SLC44A4: variants seen among roughly 807,000 people sequenced by gnomAD.
The protein encoded by SLC44A4 is solute carrier family 44 member 4.
In SLC44A4, 74 loss-of-function variants were observed where a neutral mutation model predicts 97.0. The ratio of observed to expected loss-of-function variants is 0.76; its 90% CI spans 0.63 to 0.93. The LOEUF (loss-of-function observed/expected upper bound fraction) is 0.93, where lower values mean the gene tolerates loss of function less well. Ranked by LOEUF, SLC44A4 falls within the 40% of genes least tolerant of loss-of-function variation. The probability of loss-of-function intolerance (pLI) is 0.00; values close to 1 mark genes in which losing one functional copy is unlikely to be tolerated. For synonymous variants in SLC44A4, 325 were observed against 363.8 expected (o/e 0.89, Z 1.21); for missense variants, 799 against 902.9 (o/e 0.88, Z 1.48).
rs1235387874 is a variant in SLC44A4, at chr6:31,865,680, C to G, written c.1582+10G>C. ...CCAGCTCCTGACTCCTACTCCGACT[C>G]CAGACTCACCTCTGAGCTTGTGGTC... On this transcript the variant is annotated intron_variant, in intron 15 of 20. Transcript: ENST00000229729. The surrounding 1 kb of genome is among the most constrained non-coding windows in gnomAD (Gnocchi z 5.2). 1 of 1,613,114 alleles carries G rather than the reference C, an allele frequency of 6.2e-7. No individual in the cohort carries two copies.
Position 31,866,095 on chromosome 6 carries a change from A to T in SLC44A4, c.1265T>A (p.Leu422Gln), listed in dbSNP as rs1207821886. ...TGAGTAGCCCTGGAAGACGCACATC[A>T]GCCCTGGGCACGAGGAGTTCACAAG... ...AHLVNSSCPGLMCVFQGYSSK... is the reference protein window; with the variant it reads ...AHLVNSSCPGQMCVFQGYSSK... Residue 422 changes from leucine to glutamine, a missense_variant, in exon 14 of 21, where the codon CTG becomes CAG. This residue lies in a region of SLC44A4 where 379 missense variants were observed against 438.3 expected (regional missense o/e 0.86). Coordinates refer to ENST00000229729, the MANE Select transcript of SLC44A4 (RefSeq NM_025257.3). 6.2e-7 allele frequency: 1 copy of T among 1,614,152 alleles called. No individual in the cohort carries two copies.
In SLC44A4 at chr6:31,870,887, C is replaced by T. The variant is rs763411450; in HGVS notation, c.862G>A (p.Ala288Thr). The T allele has an allele frequency of 4.0e-5, 65 of 1,612,918 alleles. No homozygotes were observed. Among genetic ancestry groups the T allele is most frequent in the Non-Finnish European group, 1.8e-5 (21 of 1,180,022 alleles). The change falls in exon 10 of 21, where the codon GCC becomes ACC. Residue 288 changes from alanine to threonine, a missense_variant. Ala to Thr is a moderately conservative substitution (Grantham distance 58, BLOSUM62 0). This residue lies in a region of SLC44A4 where 409 missense variants were observed against 434.1 expected (regional missense o/e 0.94). Transcript: ENST00000229729. ...GTGAAACCCAGCTGGGAGATGGAGG[C>T]GCCCTTGTCCCGCAGCACTCGGTAC... ...EEYRVLRDKG[A>T]SISQLGFTTN... is the part of the protein sequence containing the mutation.
intron 13 of SLC44A4, among the ~76,000 whole-genome samples, chr6:31,866,382 T>G (rs547553268): frequency 6.6e-6 from 1 of 152,322 alleles, no homozygotes; most frequent in Admixed American, 6.5e-5. Flanking sequence ...GCATTCCCAT[T>G]CCAGAGCAGC....
intron 20 of SLC44A4, 65 bp downstream of exon 20, chr6:31,864,579 CAAAAAAAA>C: frequency 1.6e-6 from 2 of 1,259,156 alleles, no homozygotes; most frequent in South Asian, 1.3e-5. Context: ...ACCAAATCTC[CAAAAAAAA>C]AAAAAAATGC....
At chr6:31,875,802 C>T in intron 4 of SLC44A4, 50 bp downstream of exon 4, 1 of 1,527,048 alleles carries the variant, frequency 6.5e-7, no homozygotes, top group Non-Finnish European at 8.9e-7. Context: ...GTCTCCTGCC[C>T]ACCCTACCTC....
chr6:31,865,674 C>T lies in SLC44A4; in HGVS notation c.1582+16G>A, dbSNP rs775815963. 1 of 1,612,966 alleles carries T rather than the reference C, an allele frequency of 6.2e-7. No homozygotes were observed. On this transcript the variant is annotated intron_variant, in intron 15 of 20. Coordinates refer to ENST00000229729, the MANE Select transcript of SLC44A4 (RefSeq NM_025257.3). The surrounding 1 kb of genome is among the most constrained non-coding windows in gnomAD (Gnocchi z 5.2). ...CCTTCCCCAGCTCCTGACTCCTACT[C>T]CGACTCCAGACTCACCTCTGAGCTT...
intron 13 of SLC44A4, among the ~76,000 whole-genome samples, chr6:31,868,750 T>G (rs189710282): frequency 6.6e-6 from 1 of 152,106 alleles, no homozygotes; most frequent in East Asian, 1.9e-4. Context: ...GAGCTGAGAT[T>G]GCACTGCTGC....
chr6:31,866,277 A>G (rs1294891210), intron 13 of SLC44A4, 151 bp from the exon 14 acceptor site: 8 of 1,035,194 alleles, frequency 7.7e-6, no homozygotes, highest in Non-Finnish European at 1.1e-5. Context: ...TCTGTCGGAG[A>G]GTTCCATCTC....
Position 31,874,339 on chromosome 6 carries a change from TAATTCCAATTTTGCCACC to T in SLC44A4, c.529+103_529+120del. On this transcript the variant is annotated intron_variant, in intron 7 of 20. Coordinates refer to ENST00000229729, the MANE Select transcript of SLC44A4 (RefSeq NM_025257.3). The surrounding 1 kb of genome is among the most constrained non-coding windows in gnomAD (Gnocchi z 4.8). ...AAAGAGCAAAATGAAGACCTGATGC[TAATTCCAATTTTGCCACC>T]AACAAGCTATGTGACTTCACTCTCT... 9.4e-7 allele frequency: 1 copy of T among 1,068,740 alleles called. No homozygotes were observed. The highest frequency in any genetic ancestry group is 2.5e-5 in the East Asian group (1 of 40,274). 66.2% of individuals were successfully genotyped at this position (1,068,740 alleles called of 1,614,324 possible). A position where few individuals can be genotyped will look rare whatever the true frequency, so the allele number is the denominator to read the frequency against.
At position 31,865,237 on chromosome 6, in the gene SLC44A4, G is replaced by GCA. The variant is rs1762783688; in HGVS notation, c.1760+76_1760+77dup. 1 of 1,569,492 alleles carries GCA rather than the reference G, an allele frequency of 6.4e-7. No homozygotes were observed. Among genetic ancestry groups the GCA allele is most frequent in the African/African-American group, 1.4e-5 (1 of 73,892 alleles). ...TAAACTAAGTCTAGGGCCCGACTGA[G>GCA]CACAGCACACCCACGAAGCCAGCCT... is the stretch of plus-strand genomic sequence containing the variant. On this transcript the variant is annotated intron_variant, in intron 17 of 20. Transcript: ENST00000229729. The surrounding 1 kb of genome is among the most constrained non-coding windows in gnomAD (Gnocchi z 5.2).
chr6:31,869,362 G>C (rs916725833), intron 12 of SLC44A4, 105 bp from the exon 13 acceptor site: 1 of 1,019,216 alleles, frequency 9.8e-7, no homozygotes, highest in African/African-American at 1.6e-5. Context: ...GCTGCACAGA[G>C]AGGGCTGAAA....
At chr6:31,868,107 G>A (rs1029764701) in intron 13 of SLC44A4, among the ~76,000 whole-genome samples, 7 of 152,184 alleles carry the variant, frequency 4.6e-5, no homozygotes, top group Non-Finnish European at 8.8e-5. Context: ...ATGAGCCACC[G>A]CGCCTGCCAA....
Position 31,869,551 on chromosome 6 carries a change from G to C in SLC44A4, c.1124C>G (p.Thr375Ser), listed in dbSNP as rs771023172. 1.9e-6 allele frequency: 3 copies of C among 1,601,578 alleles called. No homozygotes were observed. Among genetic ancestry groups the C allele is most frequent in the Non-Finnish European group, 2.6e-6 (3 of 1,174,720 alleles). Reference protein sequence around the residue: ...LLICIAYWAMTALYLATSGQP... With the variant: ...LLICIAYWAMSALYLATSGQP... ...CTGCGTGGGCAGAGGATACAGAGCA[G>C]TCATGGCCCAGTAGGCAATGCAGAT... Residue 375 changes from threonine (T) to serine (S), a missense_variant, in exon 12 of 21, where the codon ACT becomes AGT. Coordinates refer to ENST00000229729, the MANE Select transcript of SLC44A4 (RefSeq NM_025257.3).
Position 31,874,990 on chromosome 6 carries a change from C to A in SLC44A4, c.281G>T (p.Cys94Phe). ...TGAGATGATGTTGCTGGACAGGATG[C>A]AGCTGAAGATGTTGAAGTACAGGAG... The part of the protein sequence containing the change: ...PYLLYFNIFS[C>F]ILSSNIISVA... The change falls in exon 5 of 21, where the codon TGC (cysteine) becomes TTC (phenylalanine). Residue 94 changes from cysteine (C) to phenylalanine (F), a missense_variant. Transcript: ENST00000229729. The surrounding 1 kb of genome is among the most constrained non-coding windows in gnomAD (Gnocchi z 4.8). 6.2e-7 allele frequency: 1 copy of A among 1,613,086 alleles called. No individual in the cohort carries two copies. Among genetic ancestry groups the A allele is most frequent in the Non-Finnish European group, 8.5e-7 (1 of 1,179,990 alleles).
rs1468240386 is a variant in SLC44A4 at position 31,874,304 on chromosome 6, G to C, written c.529+156C>G. ...AAAACACTGATGGTCTGACTGCAAGGCCACATAACAAAGAGCAAAATGAAG... is the reference window on the plus strand; with the variant it reads ...AAAACACTGATGGTCTGACTGCAAGCCCACATAACAAAGAGCAAAATGAAG... On this transcript the variant is annotated intron_variant, in intron 7 of 20. Coordinates refer to ENST00000229729, the MANE Select transcript of SLC44A4 (RefSeq NM_025257.3). This position sits in a 1 kb window ranked among gnomAD's most constrained non-coding sequence, Gnocchi z 4.8. Among the ~76,000 whole-genome samples, 1 of 152,096 alleles carries C rather than the reference G, an allele frequency of 6.6e-6. No homozygotes were observed. The highest frequency in any genetic ancestry group is 1.5e-5 in the Non-Finnish European group (1 of 68,034).
intron 7 of SLC44A4, 99 bp from the exon 8 acceptor site, chr6:31,871,660 G>A: frequency 1.1e-6 from 1 of 882,642 alleles, no homozygotes; most frequent in Non-Finnish European, 1.8e-6. Flanking sequence ...GGGAGGGAAG[G>A]GTGATGGGCC....
At chr6:31,875,160 C>T (rs1471052797) in intron 4 of SLC44A4, 132 bp from the exon 5 acceptor site, 1 of 664,548 alleles carries the variant, frequency 1.5e-6, no homozygotes, top group Admixed American at 2.6e-5. Flanking sequence ...CCTCCCAGCT[C>T]CTGGCCCTAG....
Position 31,874,742 on chromosome 6 carries a change from C to A in SLC44A4, c.447G>T (p.Leu149=), listed in dbSNP as rs570288453. ...VFYTKNRNFC[L]PGVPWNMTVI... is the part of the protein sequence containing the mutation. ...TCACCATATTCCAGGGTACCCCTGG[C>A]AGACAAAAGTTCCTGTTTTTTGTAT... The change falls in exon 6 of 21, where the codon CTG becomes CTT. Residue 149 remains leucine, a synonymous_variant. Coordinates refer to ENST00000229729, the MANE Select transcript of SLC44A4 (RefSeq NM_025257.3). The surrounding 1 kb of genome is among the most constrained non-coding windows in gnomAD (Gnocchi z 4.8). The A allele has an allele frequency of 5.0e-5, 80 of 1,612,764 alleles. 1 individual carries two copies. In the South Asian group the frequency reaches 8.8e-4, roughly 18 times the overall value.
chr6:31,866,175 G>A (rs1382500207), intron 13 of SLC44A4, 49 bp from the exon 14 acceptor site: 1 of 1,596,020 alleles, frequency 6.3e-7, no homozygotes, highest in Non-Finnish European at 8.5e-7. Flanking sequence ...GGGGGCCTCA[G>A]TATGGAGCCT....
Sources: allele counts gnomAD v4.1 joint callset (sites outside exome capture counted in the v4.1 genomes callset), GRCh38; gene constraint gnomAD v4.1.1; regional missense constraint gnomAD v4.1.1; non-coding constraint Gnocchi (gnomAD v3.1); transcripts MANE v1.5; gene names NCBI Gene and HGNC (gene_info 2026-07-23, HGNC 2026-07-21).